OR10A3: variants seen among roughly 807,000 people sequenced by gnomAD.
OR10A3 encodes olfactory receptor family 10 subfamily A member 3.
OR10A3 carries 1 observed loss-of-function variant against 1.5 expected under a neutral mutation model. The observed-to-expected ratio is 0.66, with a 90% CI of 0.23 to 3.11. The LOEUF is 3.11. Among genes scored for constraint, OR10A3 ranks in the 30% most tolerant of loss-of-function variants. The pLI, the probability that OR10A3 is intolerant of heterozygous loss-of-function variation, is 0.21. For missense variants in OR10A3, 398 were observed against 369.7 expected (o/e 1.08, Z -0.63); for synonymous variants, 145 against 143.7 (o/e 1.01, Z -0.06).
chr11:7,938,740 G>T lies in OR10A3; in HGVS notation c.781C>A (p.Gln261Lys). Residue 261 changes from glutamine to lysine, a missense_variant, in exon 2 of 2, where the codon CAA becomes AAA. Coordinates refer to ENST00000642047, the MANE Select transcript of OR10A3 (RefSeq NM_001003745.2). Reference protein sequence around the residue: ...FYGTANMTYLQPKSGYSPETK... With the variant: ...FYGTANMTYLKPKSGYSPETK... ...TCGGGTGAGTAGCCAGATTTGGGTT[G>T]TAAATAAGTCATATTGGCTGTGCCA... The T allele has an allele frequency of 1.2e-6, 2 of 1,614,192 alleles. No individual in the cohort carries two copies. The highest frequency in any genetic ancestry group is 1.3e-5 in the African/African-American group (1 of 75,036).
At chr11:7,940,543 T>A (rs989120784) in intron 1 of OR10A3, among the ~76,000 whole-genome samples, 2 of 152,030 alleles carry the variant, frequency 1.3e-5, no homozygotes, top group African/African-American at 2.4e-5. Flanking sequence ...GTTCCTCCAA[T>A]CTGTACCTCA....
At position 7,940,106 on chromosome 11, in the gene OR10A3, G is replaced by T. The variant is rs1208838507; in HGVS notation, c.-178-408C>A. 2.0e-5 allele frequency among the ~76,000 whole-genome samples: 3 copies of T among 152,296 alleles called. No homozygotes were observed. The East Asian group carries it at 5.8e-4, about 29-fold the overall frequency. On this transcript the variant is annotated intron_variant, in intron 1 of 1. Coordinates refer to ENST00000642047, the MANE Select transcript of OR10A3 (RefSeq NM_001003745.2). ...GATCCCTTCTGGCTCTGACATAGGTGTTTCTCTAATTTGTTGATAGAAAAC... is the reference window on the plus strand; with the variant it reads ...GATCCCTTCTGGCTCTGACATAGGTTTTTCTCTAATTTGTTGATAGAAAAC...
chr11:7,939,592 T>C lies in OR10A3; in HGVS notation c.-72A>G. The C allele has an allele frequency of 8.3e-7, 1 of 1,200,372 alleles. No homozygotes were observed. Among genetic ancestry groups the C allele is most frequent in the Non-Finnish European group, 1.2e-6 (1 of 866,846 alleles). The allele number at this position is 1,200,372 out of a possible 1,614,324, so 74.4% of individuals were successfully genotyped here. ...GTATGAAGTCGTAATCCCATAGCTG[T>C]GAGTTCAAGTCTGGAATTCTTGACA... On this transcript the variant is annotated 5_prime_UTR_variant, in exon 2 of 2. Coordinates refer to ENST00000642047, the MANE Select transcript of OR10A3 (RefSeq NM_001003745.2).
rs754965681 is a variant in OR10A3 at position 7,939,485 on chromosome 11, G to A, written c.36C>T (p.Phe12=). The change falls in exon 2 of 2, where the codon TTC becomes TTT. Residue 12 remains phenylalanine (F), a synonymous_variant. Coordinates refer to ENST00000642047, the MANE Select transcript of OR10A3 (RefSeq NM_001003745.2). ...GAAAGTTAGAAAAGCCCAGGAGGATGAATTCAACCACACAGCTTTGATTTT... is the reference window on the plus strand; with the variant it reads ...GAAAGTTAGAAAAGCCCAGGAGGATAAATTCAACCACACAGCTTTGATTTT... ...KRQNQSCVVE[F]ILLGFSNFPE... is the part of the protein sequence containing the mutation. 6.3e-7 allele frequency: 1 copy of A among 1,581,496 alleles called. No individual in the cohort carries two copies. Among genetic ancestry groups the A allele is most frequent in the African/African-American group, 1.4e-5 (1 of 72,838 alleles).
At position 7,939,179 on chromosome 11, in the gene OR10A3, G is replaced by A; in HGVS notation, c.342C>T (p.Leu114=). The A allele has an allele frequency of 1.2e-6, 2 of 1,614,144 alleles. No individual in the cohort carries two copies. The highest frequency in any genetic ancestry group is 1.7e-6 in the Non-Finnish European group (2 of 1,180,028). The part of the protein sequence containing the change: ...ILLFGGTECF[L]LGAMAYDRFA... ...ATCGGTCATAAGCCATCGCTCCCAGGAGAAAACATTCAGTCCCACCAAAAA... is the reference window on the plus strand; with the variant it reads ...ATCGGTCATAAGCCATCGCTCCCAGAAGAAAACATTCAGTCCCACCAAAAA... Residue 114 remains leucine, a synonymous_variant, in exon 2 of 2, where the codon CTC becomes CTT. Coordinates refer to ENST00000642047, the MANE Select transcript of OR10A3 (RefSeq NM_001003745.2).
intron 1 of OR10A3, among the ~76,000 whole-genome samples, chr11:7,940,213 C>G (rs7924901): frequency 0.4 from 60,313 of 151,998 alleles, 12,310 homozygotes; most frequent in Middle Eastern, 0.53. Context: ...GGCACATAGG[C>G]AGCACACATG....
Position 7,937,924 on chromosome 11 carries a change from A to G in OR10A3, c.*652T>C, listed in dbSNP as rs1354950019. 1 of 152,234 alleles carries G rather than the reference A, an allele frequency of 6.6e-6. No homozygotes were observed. Among genetic ancestry groups the G allele is most frequent in the Non-Finnish European group, 1.5e-5 (1 of 68,064 alleles). The allele number at this position is 152,234 out of a possible 1,614,324, so 9.4% of individuals were successfully genotyped here. ...AGATACTCCTCATCCTATCAGCCGC[A>G]CTGTAGCAAATCTATCACACAGGTA... On this transcript the variant is annotated 3_prime_UTR_variant, in exon 2 of 2. Coordinates refer to ENST00000642047, the MANE Select transcript of OR10A3 (RefSeq NM_001003745.2).
In OR10A3 at chr11:7,938,627, C is replaced by T. The variant is rs766130502; in HGVS notation, c.894G>A (p.Lys298=). The change falls in exon 2 of 2, where the codon AAG becomes AAA. Residue 298 remains lysine (K), a synonymous_variant. Coordinates refer to ENST00000642047, the MANE Select transcript of OR10A3 (RefSeq NM_001003745.2). ...TTCGCCATAGTTTTATCAAAGTCCT[C>T]TTCATCTCACTGTTTCGTAAGCTAT... ...LIYSLRNSEM[K]RTLIKLWRRK... is the part of the protein sequence containing the mutation. 1.2e-6 allele frequency: 2 copies of T among 1,613,850 alleles called. No individual in the cohort carries two copies. The highest frequency in any genetic ancestry group is 1.7e-6 in the Non-Finnish European group (2 of 1,179,962).
At chr11:7,941,227 C>T (rs539459854) in intron 1 of OR10A3, among the ~76,000 whole-genome samples, 18 of 152,260 alleles carry the variant, frequency 1.2e-4, no homozygotes, top group Admixed American at 1.0e-3. Context: ...TTTTAAGGAG[C>T]TGATAAAGCA....
chr11:7,940,595 C>G (rs1941428916), intron 1 of OR10A3, among the ~76,000 whole-genome samples: 1 of 151,936 alleles, frequency 6.6e-6, no homozygotes, highest in Non-Finnish European at 1.5e-5. Flanking sequence ...CGAGAAACTT[C>G]AGAGTCTCCC....
rs774359974 is a variant in OR10A3 at position 7,938,601 on chromosome 11, C to G, written c.920G>C (p.Arg307Thr). 1 of 1,612,188 alleles carries G rather than the reference C, an allele frequency of 6.2e-7. No individual in the cohort carries two copies. Among genetic ancestry groups the G allele is most frequent in the South Asian group, 1.1e-5 (1 of 90,528 alleles). ...TCAGAATGTGTGTAAAATCACTTTT[C>G]TTCGCCATAGTTTTATCAAAGTCCT... ...MKRTLIKLWRRKVILHTF is the reference protein window; with the variant it reads ...MKRTLIKLWRTKVILHTF The change falls in exon 2 of 2, where the codon AGA becomes ACA. Residue 307 changes from arginine (R) to threonine (T), a missense_variant. Transcript: ENST00000642047.
At position 7,939,380 on chromosome 11, in the gene OR10A3, G is replaced by A. The variant is rs1941406273; in HGVS notation, c.141C>T (p.Val47=). ...GGAGGCTCTGGTTTAAGGAGATGATGACTGTAATGATGGCATTTCCCATCA... is the reference window on the plus strand; with the variant it reads ...GGAGGCTCTGGTTTAAGGAGATGATAACTGTAATGATGGCATTTCCCATCA... ...VTLMGNAIIT[V]IISLNQSLHV... Residue 47 remains valine, a synonymous_variant, in exon 2 of 2, where the codon GTC becomes GTT. Coordinates refer to ENST00000642047, the MANE Select transcript of OR10A3 (RefSeq NM_001003745.2). 3 of 1,614,044 alleles carry A rather than the reference G, an allele frequency of 1.9e-6. No individual in the cohort carries two copies. Among genetic ancestry groups the A allele is most frequent in the Admixed American group, 1.7e-5 (1 of 60,004 alleles).
intron 1 of OR10A3, 34 bp from the exon 2 acceptor site, chr11:7,939,732 G>T: frequency 2.2e-6 from 1 of 447,540 alleles, no homozygotes; most frequent in East Asian, 3.3e-5. Flanking sequence ...GAAGTATTTT[G>T]GTTCAGAAAT....
rs9787855 is a variant in OR10A3, at chr11:7,939,599, A to G, written c.-79T>C. 483,349 of 1,154,142 alleles carry G rather than the reference A, an allele frequency of 0.42. 101,978 individuals are homozygous for G. The highest frequency in any genetic ancestry group is 0.54 in the East Asian group (21,377 of 39,452). The allele number at this position is 1,154,142 out of a possible 1,614,324, so 71.5% of individuals were successfully genotyped here. On this transcript the variant is annotated 5_prime_UTR_variant, in exon 2 of 2. Coordinates refer to ENST00000642047, the MANE Select transcript of OR10A3 (RefSeq NM_001003745.2). Reference sequence around the variant, plus strand: ...GTCGTAATCCCATAGCTGTGAGTTCAAGTCTGGAATTCTTGACAGCAGATG... The same window carrying G: ...GTCGTAATCCCATAGCTGTGAGTTCGAGTCTGGAATTCTTGACAGCAGATG...
Position 7,939,127 on chromosome 11 carries a change from A to G in OR10A3, c.394T>C (p.Tyr132His), listed in dbSNP as rs77313943. ...RFAAICHPLN[Y>H]PVIMNRGVFM... ...ACCCCTCTGTTCATAATCACTGGGT[A>G]GTTCAGAGGATGGCAAATTGCAGCA... The change falls in exon 2 of 2, where the codon TAC (tyrosine) becomes CAC (histidine). Residue 132 changes from tyrosine (Y) to histidine (H), a missense_variant. Tyr to His is a moderately conservative substitution (Grantham distance 83, BLOSUM62 2). Coordinates refer to ENST00000642047, the MANE Select transcript of OR10A3 (RefSeq NM_001003745.2). 2.1e-4 allele frequency: 345 copies of G among 1,614,174 alleles called. 2 individuals carry two copies. The African/African-American group carries it at 3.9e-3, about 18-fold the overall frequency.
At chr11:7,941,491 T>A (rs1452760552) in intron 1 of OR10A3, 96 bp downstream of exon 1, 2 of 152,216 alleles carry the variant, frequency 1.3e-5, no homozygotes, top group Non-Finnish European at 2.9e-5. Flanking sequence ...TACATACCTC[T>A]AAGAATTGAT....
At position 7,939,446 on chromosome 11, in the gene OR10A3, C is replaced by T. The variant is rs774888627; in HGVS notation, c.75G>A (p.Val25=). ...TAACTAGGAAAACCCCAAAGAGCTG[C>T]ACCTGGAGCTCAGGAAAGTTAGAAA... ...LGFSNFPELQ[V]QLFGVFLVIY... The change falls in exon 2 of 2, where the codon GTG becomes GTA. Residue 25 remains valine, a synonymous_variant. Transcript: ENST00000642047. The T allele has an allele frequency of 1.6e-5, 26 of 1,604,990 alleles. No individual in the cohort carries two copies. Among genetic ancestry groups the T allele is most frequent in the Non-Finnish European group, 2.2e-5 (26 of 1,177,864 alleles).
Position 7,938,847 on chromosome 11 carries a change from A to G in OR10A3, c.674T>C (p.Ile225Thr). 6.2e-7 allele frequency: 1 copy of G among 1,614,238 alleles called. No individual in the cohort carries two copies. Among genetic ancestry groups the G allele is most frequent in the African/African-American group, 1.3e-5 (1 of 75,058 alleles). Reference protein sequence around the residue: ...LLSYIRVLFAILKMPSTTGRQ... With the variant: ...LLSYIRVLFATLKMPSTTGRQ... ...CCCAGTAGTTGATGGCATCTTCAGGATGGCAAACAGAACTCGAATGTAAGA... is the reference window on the plus strand; with the variant it reads ...CCCAGTAGTTGATGGCATCTTCAGGGTGGCAAACAGAACTCGAATGTAAGA... The change falls in exon 2 of 2, where the codon ATC (isoleucine) becomes ACC (threonine). Residue 225 changes from isoleucine to threonine, a missense_variant. By Grantham distance (89) the Ile-to-Thr change is moderately conservative. Transcript: ENST00000642047.
chr11:7,938,820 C>T lies in OR10A3; in HGVS notation c.701G>A (p.Arg234Lys). The T allele has an allele frequency of 6.2e-7, 1 of 1,614,128 alleles. No individual in the cohort carries two copies. Among genetic ancestry groups the T allele is most frequent in the Non-Finnish European group, 8.5e-7 (1 of 1,180,006 alleles). ...AILKMPSTTG[R>K]QKAFSTCASH... ...GGCACAGGTGGAAAAGGCCTTTTGT[C>T]TCCCAGTAGTTGATGGCATCTTCAG... Residue 234 changes from arginine (R) to lysine (K), a missense_variant, in exon 2 of 2, where the codon AGA (arginine) becomes AAA (lysine). Arg to Lys is a conservative substitution (Grantham distance 26). Coordinates refer to ENST00000642047, the MANE Select transcript of OR10A3 (RefSeq NM_001003745.2).
Sources: gnomAD v4.1 joint callset for allele counts (sites outside exome capture counted in the v4.1 genomes callset) on GRCh38, gnomAD v4.1.1 for gene constraint, MANE v1.5 for transcripts, NCBI Gene and HGNC (gene_info 2026-07-23, HGNC 2026-07-21) for gene names.